Variants in DNAAF1 observed in about 807,000 individuals in gnomAD.
DNAAF1 encodes dynein assembly factor 1, axonemal.
Under a neutral mutation model 71.1 loss-of-function variants are expected in DNAAF1, and 65 were observed. The observed-to-expected ratio is 0.91, with a 90% CI of 0.75 to 1.12. DNAAF1 has a LOEUF of 1.12. DNAAF1 is among the 50% of genes most tolerant of loss of function. The probability of loss-of-function intolerance (pLI) is 0.00; values close to 1 mark genes in which losing one functional copy is unlikely to be tolerated. For missense variants in DNAAF1, 1,178 were observed against 899.8 expected, an observed-to-expected ratio of 1.31 and a Z score of -3.96; for synonymous variants, 414 against 354.6, an observed-to-expected ratio of 1.17 and a Z score of -1.88.
chr16:84,155,648 C>G lies in DNAAF1; in HGVS notation c.640C>G (p.Gln214Glu), dbSNP rs745340240. The change falls in exon 5 of 12, where the codon CAG becomes GAG. Residue 214 changes from glutamine (Q) to glutamate (E), a missense_variant. By Grantham distance (29) the Gln-to-Glu change is conservative. Coordinates refer to ENST00000378553, the MANE Select transcript of DNAAF1 (RefSeq NM_178452.6). ...HNHLETVEDI[Q>E]HLQECLRLCV... is the part of the protein sequence containing the mutation. ...TCACCTGGAGACCGTGGAGGACATT[C>G]AGCATCTACAAGAGTGTTTGAGGCT... 1.9e-6 allele frequency: 3 copies of G among 1,614,188 alleles called. No homozygotes were observed. Among genetic ancestry groups the G allele is most frequent in the Admixed American group, 1.7e-5 (1 of 60,024 alleles).
At chr16:84,176,477 G>C in intron 11 of DNAAF1, 178 bp downstream of exon 11, 1 of 998,860 alleles carries the variant, frequency 1.0e-6, no homozygotes, top group Non-Finnish European at 1.5e-6. Flanking sequence ...GTCTGAAGCT[G>C]CCACTTGCTG....
In DNAAF1 at chr16:84,145,553, GC is replaced by G; in HGVS notation, c.114del (p.Cys39AlafsTer50). The G allele has an allele frequency of 6.5e-7, 1 of 1,548,642 alleles. No homozygotes were observed. Among genetic ancestry groups the G allele is most frequent in the South Asian group, 1.2e-5 (1 of 84,054 alleles). On this transcript the variant is annotated frameshift_variant, in exon 1 of 12. Transcript: ENST00000378553. LOFTEE classifies it high-confidence loss of function. ...AGDHGSAGRG[G>X]CKEEINDPKE... ...GACCACGGGAGCGCAGGCCGAGGGG[GC>G]TGCAAGGAAGGTGCCGACTGCCCCC... is the stretch of plus-strand genomic sequence containing the variant.
chr16:84,175,173 CACCTTGCTGAAGGAAATGCCAT>C, intron 10 of DNAAF1: 1 of 226,590 alleles, frequency 4.4e-6, no homozygotes, highest in Non-Finnish European at 8.9e-6. Context: ...CCCATATTTT[CACCTTGCTGAAGGAAATGCCAT>C]TTGTTCTTGT....
intron 8 of DNAAF1, 40 bp from the exon 9 acceptor site, chr16:84,172,220 G>A (rs200478061): frequency 1.1e-5 from 18 of 1,590,336 alleles, no homozygotes; most frequent in South Asian, 1.1e-4. Context: ...TCTGCCTGCC[G>A]TGTGTTAAAC....
chr16:84,150,889 C>A (rs1349912849), intron 3 of DNAAF1, among the ~76,000 whole-genome samples: 1 of 152,178 alleles, frequency 6.6e-6, no homozygotes, highest in Non-Finnish European at 1.5e-5. Context: ...ACTGGGCTTA[C>A]AAGTGTGAGC....
chr16:84,159,322 T>C (rs75217228), intron 5 of DNAAF1: 1 of 936,052 alleles, frequency 1.1e-6, no homozygotes. Context: ...AAACAATCAA[T>C]TAGGCAGAGA....
chr16:84,175,710 G>C, intron 10 of DNAAF1: 1 of 581,004 alleles, frequency 1.7e-6, no homozygotes. Flanking sequence ...CCAGTGGCTG[G>C]GGGAGCAGAG....
In DNAAF1 at chr16:84,176,285, C is replaced by T; in HGVS notation, c.2051C>T (p.Ala684Val). Residue 684 changes from alanine (A) to valine (V), a missense_variant, in exon 11 of 12, where the codon GCA (alanine) becomes GTA (valine). By Grantham distance (64) the Ala-to-Val change is moderately conservative. Coordinates refer to ENST00000378553, the MANE Select transcript of DNAAF1 (RefSeq NM_178452.6). ...GGAGACAGGGACAGCGACTTCCTTG[C>T]AGCCTCTTCTCCGGGTAAGAGCGTG... ...SSGDRDSDFL[A>V]ASSPVPTESA... 1 of 1,613,410 alleles carries T rather than the reference C, an allele frequency of 6.2e-7. No homozygotes were observed. The highest frequency in any genetic ancestry group is 8.5e-7 in the Non-Finnish European group (1 of 1,179,956).
intron 4 of DNAAF1, 106 bp downstream of exon 4, chr16:84,154,904 T>G: frequency 9.3e-7 from 1 of 1,076,708 alleles, no homozygotes. Context: ...GTGTTTTTTT[T>G]TGTCTTTTTT....
chr16:84,174,624 G>A (rs763765269), intron 9 of DNAAF1, 45 bp from the exon 10 acceptor site: 65 of 1,613,912 alleles, frequency 4.0e-5, no homozygotes, highest in Non-Finnish European at 5.3e-5. Context: ...AACGTTGACA[G>A]TGCGTGTACC....
chr16:84,159,314 ACAAT>A lies in DNAAF1; in HGVS notation c.742-356_742-353del, dbSNP rs143600760. On this transcript the variant is annotated intron_variant, in intron 5 of 11. Transcript: ENST00000378553. ...GGATCCTGGCTGGGAAGAAAAGAAAACAATCAATTAGGCAGAGATTCATTTCAGT... is the reference window on the plus strand; with the variant it reads ...GGATCCTGGCTGGGAAGAAAAGAAAACAATTAGGCAGAGATTCATTTCAGT... The A allele has an allele frequency of 8.6e-4, 832 of 967,748 alleles. 8 individuals carry two copies. The African/African-American group carries it at 0.014, about 16-fold the overall frequency. The allele number at this position is 967,748 out of a possible 1,614,324, so 59.9% of individuals were successfully genotyped here.
At chr16:84,146,988 G>C (rs1232042944) in intron 1 of DNAAF1, among the ~76,000 whole-genome samples, 5 of 152,182 alleles carry the variant, frequency 3.3e-5, no homozygotes, top group African/African-American at 7.2e-5. Context: ...TCAGTGGAAA[G>C]ACACTGGTCT....
At chr16:84,163,360 T>C (rs1395183923) in intron 6 of DNAAF1, among the ~76,000 whole-genome samples, 1 of 149,840 alleles carries the variant, frequency 6.7e-6, no homozygotes, top group Non-Finnish European at 1.5e-5. Flanking sequence ...CCTGTCTTTT[T>C]TTTCCTCTCT....
intron 6 of DNAAF1, among the ~76,000 whole-genome samples, chr16:84,163,231 A>AC: frequency 6.6e-6 from 1 of 152,222 alleles, no homozygotes; most frequent in Admixed American, 6.5e-5. Flanking sequence ...CAGGGACTTT[A>AC]CATTTAATTT....
At chr16:84,154,933 G>C (rs1453724489) in intron 4 of DNAAF1, 135 bp downstream of exon 4, 3 of 815,362 alleles carry the variant, frequency 3.7e-6, no homozygotes, top group Non-Finnish European at 6.0e-6. Flanking sequence ...TTTTGAGACA[G>C]AGTCTTGCTC....
At chr16:84,177,602 T>C in intron 11 of DNAAF1, 127 bp from the exon 12 acceptor site, 1 of 796,694 alleles carries the variant, frequency 1.3e-6, no homozygotes, top group Non-Finnish European at 2.2e-6. Context: ...GTGCTGGGAT[T>C]ACAGGTATGA....
At chr16:84,171,524 C>T (rs1224446627) in intron 8 of DNAAF1, among the ~76,000 whole-genome samples, 1 of 152,210 alleles carries the variant, frequency 6.6e-6, no homozygotes, top group African/African-American at 2.4e-5. Flanking sequence ...CGCGATTCCA[C>T]ATTCCTCAGG....
Position 84,162,709 on chromosome 16 carries a change from C to T in DNAAF1, c.863+2913C>T, listed in dbSNP as rs566705886. On this transcript the variant is annotated intron_variant, in intron 6 of 11. Transcript: ENST00000378553. The stretch of plus-strand genomic sequence containing the variant: ...TGGCGGGCGCCTGTAGTCCCAGCTA[C>T]TTGGGAGGCTGAGGCAAGAGAATCG... 2.2e-3 allele frequency among the ~76,000 whole-genome samples: 334 copies of T among 152,124 alleles called. 1 individual carries two copies. Among genetic ancestry groups the T allele is most frequent in the Non-Finnish European group, 3.5e-3 (236 of 67,996 alleles).
chr16:84,149,216 T>A (rs2087067643), intron 2 of DNAAF1, 74 bp downstream of exon 2: 3 of 1,575,184 alleles, frequency 1.9e-6, no homozygotes, highest in Non-Finnish European at 2.6e-6. Flanking sequence ...CTTGTACGGA[T>A]AATGAAATAG....
Sources: gnomAD v4.1 joint callset for allele counts (sites outside exome capture counted in the v4.1 genomes callset) on GRCh38, gnomAD v4.1.1 for gene constraint, MANE v1.5 for transcripts, NCBI Gene and HGNC (gene_info 2026-07-23, HGNC 2026-07-21) for gene names.